The following EHF variants were observed in gnomAD, a reference collection of about 807,000 sequenced individuals.
EHF encodes ETS homologous factor, also known as ESE3 transcription factor.
A neutral mutation model predicts 45.1 loss-of-function variants in EHF; 14 were observed. The ratio of observed to expected loss-of-function variants is 0.31; its 90% confidence interval spans 0.21 to 0.49. The LOEUF (loss-of-function observed/expected upper bound fraction) is 0.49, where lower values mean the gene tolerates loss of function less well. Among genes scored for constraint, EHF ranks in the 20% least tolerant of loss-of-function variants. The probability of loss-of-function intolerance (pLI) is 0.99; values close to 1 mark genes in which losing one functional copy is unlikely to be tolerated. For synonymous variants in EHF, 136 were observed against 131.8 expected, an observed-to-expected ratio of 1.03 and a Z score of -0.22; for missense variants, 282 against 371.4, an observed-to-expected ratio of 0.76 and a Z score of 1.98.
chr11:34,642,412 TA>T, intron 1 of EHF: 1 of 467,188 alleles, frequency 2.1e-6, no homozygotes. Flanking sequence ...TGGGTGGCTG[TA>T]AAAACTTGCC....
intron 1 of EHF, among the ~76,000 whole-genome samples, chr11:34,626,054 C>T (rs1852350009): frequency 1.3e-5 from 2 of 152,196 alleles, no homozygotes; most frequent in African/African-American, 4.8e-5. Flanking sequence ...CCTCATTAAC[C>T]CTGTCATTTT....
intron 1 of EHF, among the ~76,000 whole-genome samples, chr11:34,635,140 A>G (rs1422854681): frequency 6.6e-6 from 1 of 152,174 alleles, no homozygotes; most frequent in African/African-American, 2.4e-5. Context: ...TAATTACTAT[A>G]ATATAGTTAT....
intron 1 of EHF, among the ~76,000 whole-genome samples, chr11:34,633,829 G>C (rs1217727051): frequency 6.6e-6 from 1 of 152,128 alleles, no homozygotes; most frequent in Non-Finnish European, 1.5e-5. Context: ...GCCTGCCACT[G>C]TCAGTATGTG....
In EHF at chr11:34,659,170, G is replaced by GCT. The variant is rs2134245403; in HGVS notation, c.*240_*241dup. The GCT allele has an allele frequency of 5.2e-6, 2 of 388,330 alleles. No homozygotes were observed. Among genetic ancestry groups the GCT allele is most frequent in the African/African-American group, 4.2e-5 (2 of 48,014 alleles). The allele number at this position is 388,330 out of a possible 1,614,324, so 24.1% of individuals were successfully genotyped here. On this transcript the variant is annotated 3_prime_UTR_variant, in exon 9 of 9. Coordinates refer to ENST00000257831, the MANE Select transcript of EHF (RefSeq NM_012153.6). Reference sequence around the variant, plus strand: ...TACACAGTTTTCTGTGAAATATGATGCTGTATGTGGTTGTGATTTTTTTTC... The same window carrying GCT: ...TACACAGTTTTCTGTGAAATATGATGCTCTGTATGTGGTTGTGATTTTTTTTC...
chr11:34,659,225 A>G lies in EHF; in HGVS notation c.*294A>G, dbSNP rs560793375. On this transcript the variant is annotated 3_prime_UTR_variant, in exon 9 of 9. Transcript: ENST00000257831. ...CTATTGTGAATTCTTTTTCACTGCA[A>G]GAGTAACAGGATTTGTAGCCTTGTG... 1.6e-5 allele frequency: 4 copies of G among 250,906 alleles called. No homozygotes were observed. The South Asian group carries it at 4.1e-4, about 26-fold the overall frequency. 15.5% of individuals were successfully genotyped at this position (250,906 alleles called of 1,614,324 possible). A position where few individuals can be genotyped will look rare whatever the true frequency, so the allele number is the denominator to read the frequency against.
chr11:34,622,725 A>T (rs973955589), intron 1 of EHF, among the ~76,000 whole-genome samples: 1 of 152,240 alleles, frequency 6.6e-6, no homozygotes, highest in South Asian at 2.1e-4. Context: ...AGTCATGTAG[A>T]CAACACCATT....
At position 34,646,493 on chromosome 11, in the gene EHF, C is replaced by A. The variant is rs1161287386; in HGVS notation, c.152C>A (p.Thr51Asn). The change falls in exon 3 of 9, where the codon ACC becomes AAC. Residue 51 changes from threonine (T) to asparagine (N), a missense_variant. Transcript: ENST00000257831. ...CATGAAATTCATCCTCAGTACTGGA[C>A]CAAGTACCAGGTGTGGGAGTGGCTC... Reference protein sequence around the residue: ...QWHEIHPQYWTKYQVWEWLQH... With the variant: ...QWHEIHPQYWNKYQVWEWLQH... 4 of 1,613,922 alleles carry A rather than the reference C, an allele frequency of 2.5e-6. No homozygotes were observed. Among genetic ancestry groups the A allele is most frequent in the Non-Finnish European group, 3.4e-6 (4 of 1,179,982 alleles).
intron 3 of EHF, among the ~76,000 whole-genome samples, chr11:34,647,508 G>A (rs894415576): frequency 2.6e-5 from 4 of 152,190 alleles, no homozygotes; most frequent in Non-Finnish European, 5.9e-5. Flanking sequence ...CCCTGATAGT[G>A]GCTGTAAAAA....
chr11:34,645,070 C>T (rs1291923918), intron 2 of EHF, among the ~76,000 whole-genome samples: 4 of 152,138 alleles, frequency 2.6e-5, no homozygotes, highest in East Asian at 1.9e-4. Context: ...GTCTTTGCCC[C>T]TTGCCCCTTT....
chr11:34,627,813 T>C (rs529236724), intron 1 of EHF, among the ~76,000 whole-genome samples: 1 of 152,338 alleles, frequency 6.6e-6, no homozygotes, highest in South Asian at 2.1e-4. Context: ...AATATGAATG[T>C]AGGCAAAACT....
chr11:34,632,684 C>A, intron 1 of EHF: 1 of 1,533,812 alleles, frequency 6.5e-7, no homozygotes, highest in East Asian at 2.4e-5. Context: ...GAGAGGGTTG[C>A]CCGGCTCTCT....
In EHF at chr11:34,661,822, A is replaced by C. The variant is rs1232299811; in HGVS notation, c.*2891A>C. On this transcript the variant is annotated 3_prime_UTR_variant, in exon 9 of 9. Transcript: ENST00000257831. ...TGGTCACTAAACATGTTATCCTTAA[A>C]CCCCCCGTATGCCTGAGTTGAAAGG... is the stretch of plus-strand genomic sequence containing the variant. Among the ~76,000 whole-genome samples the C allele has an allele frequency of 6.6e-6, 1 of 151,704 alleles. No homozygotes were observed. Among genetic ancestry groups the C allele is most frequent in the Non-Finnish European group, 1.5e-5 (1 of 67,910 alleles).
chr11:34,647,498 C>T (rs1057354265), intron 3 of EHF, among the ~76,000 whole-genome samples: 3 of 152,192 alleles, frequency 2.0e-5, no homozygotes, highest in African/African-American at 7.2e-5. Flanking sequence ...CATAAGGTTC[C>T]CCTGATAGTG....
Position 34,661,075 on chromosome 11 carries a change from C to T in EHF, c.*2144C>T, listed in dbSNP as rs141489049. 10 of 152,218 alleles carry T rather than the reference C, an allele frequency of 6.6e-5. No individual in the cohort carries two copies. Among genetic ancestry groups the T allele is most frequent in the African/African-American group, 2.4e-4 (10 of 41,556 alleles). 9.4% of individuals were successfully genotyped at this position (152,218 alleles called of 1,614,324 possible). A position where few individuals can be genotyped will look rare whatever the true frequency, so the allele number is the denominator to read the frequency against. ...TGAGAAAAAGAACAATGAACAGCAA[C>T]GATCTTGACTGTGCAACTCAGACAT... On this transcript the variant is annotated 3_prime_UTR_variant, in exon 9 of 9. Coordinates refer to ENST00000257831, the MANE Select transcript of EHF (RefSeq NM_012153.6).
At chr11:34,634,035 C>G (rs2134028442) in intron 1 of EHF, among the ~76,000 whole-genome samples, 1 of 152,282 alleles carries the variant, frequency 6.6e-6, no homozygotes, top group African/African-American at 2.4e-5. Context: ...TGAAAAATGT[C>G]TGTTTCAAAA....
intron 6 of EHF, among the ~76,000 whole-genome samples, chr11:34,656,056 A>G (rs1384737411): frequency 3.2e-4 from 1 of 3,132 alleles, no homozygotes; most frequent in East Asian, 0.023. Flanking sequence ...CTCCCAATAC[A>G]CACACACACA....
intron 6 of EHF, among the ~76,000 whole-genome samples, chr11:34,652,902 C>T (rs1213337862): frequency 6.6e-6 from 1 of 152,182 alleles, no homozygotes; most frequent in Non-Finnish European, 1.5e-5. Flanking sequence ...TCGACTTCTC[C>T]TTCCCCCAGT....
intron 1 of EHF, among the ~76,000 whole-genome samples, chr11:34,641,561 TTC>T (rs1294977963): frequency 2.0e-5 from 3 of 152,078 alleles, no homozygotes; most frequent in Admixed American, 6.6e-5. Context: ...GCAGAAAATT[TTC>T]CATGAATTGC....
Position 34,642,622 on chromosome 11 carries a change from T to C in EHF, c.-3-6T>C, listed in dbSNP as rs377054022. On this transcript the variant is annotated splice_polypyrimidine_tract_variant and splice_region_variant and intron_variant, in intron 1 of 8. Coordinates refer to ENST00000257831, the MANE Select transcript of EHF (RefSeq NM_012153.6). ...TGACTGAACAGGCTGTTTGATCCCC[T>C]AACAGATCATGATTCTGGAAGGAGG... 3.1e-6 allele frequency: 5 copies of C among 1,603,972 alleles called. No homozygotes were observed. The highest frequency in any genetic ancestry group is 3.4e-6 in the Non-Finnish European group (4 of 1,170,790).
Sources: allele counts gnomAD v4.1 joint callset (sites outside exome capture counted in the v4.1 genomes callset), GRCh38; gene constraint gnomAD v4.1.1; transcripts MANE v1.5; gene names NCBI Gene and HGNC (gene_info 2026-07-23, HGNC 2026-07-21).